Variants in ST18 observed in about 807,000 individuals in gnomAD.
ST18 encodes the protein suppression of tumorigenicity 18 protein.
Under a neutral mutation model 110.0 loss-of-function variants are expected in ST18, and 50 were observed. The ratio of observed to expected loss-of-function variants is 0.45; its 90% CI spans 0.36 to 0.58. The LOEUF (loss-of-function observed/expected upper bound fraction) is 0.58, where lower values mean the gene tolerates loss of function less well. ST18 is among the 20% of genes least tolerant of loss of function. The pLI is 0.00. For synonymous variants in ST18, 461 were observed against 452.4 expected (o/e 1.02, Z -0.24); for missense variants, 1,306 against 1,280.1 (o/e 1.02, Z -0.31).
rs888465328 is a variant in ST18 at position 52,112,681 on chromosome 8, A to G, written c.*517T>C. 1 of 152,644 alleles carries G rather than the reference A, an allele frequency of 6.6e-6. No homozygotes were observed. The highest frequency in any genetic ancestry group is 2.4e-5 in the African/African-American group (1 of 41,442). The allele number at this position is 152,644 out of a possible 1,614,324, so 9.5% of individuals were successfully genotyped here. Reference sequence around the variant, plus strand: ...GTGGGGGAAGAAGTGTGCAATAAAAATCAAACTCAACTATAGTGCAGTCCT... The same window carrying G: ...GTGGGGGAAGAAGTGTGCAATAAAAGTCAAACTCAACTATAGTGCAGTCCT... On this transcript the variant is annotated 3_prime_UTR_variant, in exon 26 of 26. Coordinates refer to ENST00000689386, the MANE Select transcript of ST18 (RefSeq NM_001352837.2).
intron 2 of ST18, among the ~76,000 whole-genome samples, chr8:52,382,974 C>T (rs563800637): frequency 4.6e-5 from 7 of 152,170 alleles, no homozygotes; most frequent in East Asian, 3.9e-4. Context: ...ACAAGGTGCA[C>T]GCTTTCCAGT....
intron 23 of ST18, among the ~76,000 whole-genome samples, chr8:52,123,481 T>G (rs2130991806): frequency 6.6e-6 from 1 of 152,336 alleles, no homozygotes; most frequent in Admixed American, 6.5e-5. Flanking sequence ...CCAAACCACT[T>G]TAGGTCCTTC....
intron 2 of ST18, among the ~76,000 whole-genome samples, chr8:52,309,846 C>T (rs1386096984): frequency 2.0e-5 from 3 of 152,008 alleles, no homozygotes; most frequent in Admixed American, 6.5e-5. Context: ...AGCTCAATCT[C>T]ATAAATGAAA....
chr8:52,176,233 C>A (rs962575296), intron 9 of ST18, among the ~76,000 whole-genome samples: 5 of 152,078 alleles, frequency 3.3e-5, no homozygotes, highest in Non-Finnish European at 7.4e-5. Context: ...GCATGTAGGT[C>A]AGGCTGGTCT....
chr8:52,192,750 A>C (rs1298500731), intron 8 of ST18, among the ~76,000 whole-genome samples: 1 of 152,350 alleles, frequency 6.6e-6, no homozygotes, highest in South Asian at 2.1e-4. Context: ...TTGTACATTC[A>C]TTACTCCAAA....
At chr8:52,183,093 T>C (rs7825704) in intron 8 of ST18, among the ~76,000 whole-genome samples, 33,835 of 152,068 alleles carry the variant, frequency 0.22, 7,080 homozygotes, top group African/African-American at 0.55. Flanking sequence ...AAAGCTCACG[T>C]CCTCTCCTCC....
chr8:52,385,597 CAAA>C (rs60332637), intron 2 of ST18, among the ~76,000 whole-genome samples: 41 of 116,706 alleles, frequency 3.5e-4, no homozygotes, highest in Admixed American at 6.1e-4. Context: ...GACTCCGACT[CAAA>C]AAAAAAAAAA....
At chr8:52,267,478 T>G (rs1203899099) in intron 2 of ST18, among the ~76,000 whole-genome samples, 2 of 62,716 alleles carry the variant, frequency 3.2e-5, no homozygotes, top group African/African-American at 1.5e-4. Context: ...AACTCAGAGA[T>G]AAGCTAAAAA....
intron 2 of ST18, among the ~76,000 whole-genome samples, chr8:52,375,845 T>C (rs1370980328): frequency 1.3e-5 from 2 of 151,154 alleles, no homozygotes; most frequent in Admixed American, 6.6e-5. Context: ...CCCCCGCAGC[T>C]CTTCACCAGC....
At chr8:52,344,292 C>A (rs957638081) in intron 2 of ST18, among the ~76,000 whole-genome samples, 20 of 152,072 alleles carry the variant, frequency 1.3e-4, no homozygotes, top group African/African-American at 4.6e-4. Flanking sequence ...TAGAGTCTTG[C>A]CATTTTTTAA....
intron 11 of ST18, 103 bp from the exon 12 acceptor site, chr8:52,165,328 AT>A (rs1187344286): frequency 8.2e-5 from 86 of 1,042,470 alleles, no homozygotes; most frequent in Non-Finnish European, 3.7e-5. Flanking sequence ...CTTCAGTTCC[AT>A]CATCCACCAT....
chr8:52,366,535 G>A (rs1050658384), intron 2 of ST18, among the ~76,000 whole-genome samples: 41 of 152,114 alleles, frequency 2.7e-4, no homozygotes, highest in African/African-American at 9.7e-4. Context: ...TTTTCTCTGA[G>A]GACCTTGGCA....
intron 2 of ST18, among the ~76,000 whole-genome samples, chr8:52,357,676 A>AATATATATAT (rs71252934): frequency 7.3e-4 from 28 of 38,426 alleles, no homozygotes; most frequent in South Asian, 2.0e-3. Flanking sequence ...AAAATCTATA[A>AATATATATAT]ATATATATAT....
chr8:52,214,103 GT>G, intron 7 of ST18, 99 bp downstream of exon 7: 1 of 1,286,722 alleles, frequency 7.8e-7, no homozygotes, highest in South Asian at 1.3e-5. Flanking sequence ...CCCTGAGGAA[GT>G]TGTAATCATT....
intron 2 of ST18, among the ~76,000 whole-genome samples, chr8:52,370,368 GTGTGCA>G (rs1306470102): frequency 2.0e-5 from 3 of 151,768 alleles, no homozygotes; most frequent in African/African-American, 7.3e-5. Context: ...GCATGTGTGT[GTGTGCA>G]TGCATGCATG....
intron 2 of ST18, among the ~76,000 whole-genome samples, chr8:52,326,284 G>A (rs188898647): frequency 6.6e-6 from 1 of 152,190 alleles, no homozygotes; most frequent in Non-Finnish European, 1.5e-5. Context: ...GGGGAGGACA[G>A]AGGGAGTTCA....
At chr8:52,116,882 C>T (rs183750009) in intron 24 of ST18, among the ~76,000 whole-genome samples, 99 of 152,210 alleles carry the variant, frequency 6.5e-4, no homozygotes, top group Non-Finnish European at 1.1e-3. Context: ...GGCCCAGCCA[C>T]CAGTGTGACT....
chr8:52,335,884 C>A lies in ST18; in HGVS notation c.-465+73444G>T, dbSNP rs189156925. ...CACCTCCCTTCACCCTCCAATTACACACTTCAGAGGCCTCCCGGTGCTGTT... is the reference window on the plus strand; with the variant it reads ...CACCTCCCTTCACCCTCCAATTACAAACTTCAGAGGCCTCCCGGTGCTGTT... On this transcript the variant is annotated intron_variant, in intron 2 of 25. Coordinates refer to ENST00000689386, the MANE Select transcript of ST18 (RefSeq NM_001352837.2). Among the ~76,000 whole-genome samples the A allele has an allele frequency of 1.3e-3, 192 of 152,256 alleles. 1 individual carries two copies. The highest frequency in any genetic ancestry group is 4.2e-3 in the African/African-American group (174 of 41,546).
chr8:52,161,644 G>T, intron 13 of ST18, 76 bp from the exon 14 acceptor site: 2 of 1,489,584 alleles, frequency 1.3e-6, no homozygotes, highest in African/African-American at 1.4e-5. Context: ...AGAATTTACA[G>T]TAGATACATG....
Sources: allele counts gnomAD v4.1 joint callset (sites outside exome capture counted in the v4.1 genomes callset), GRCh38; gene constraint gnomAD v4.1.1; transcripts MANE v1.5; gene names NCBI Gene and HGNC (gene_info 2026-07-23, HGNC 2026-07-21).